SEMA3E: variants seen among roughly 807,000 people sequenced by gnomAD.
SEMA3E encodes semaphorin 3E, also known as semaphorin-3E.
Under a neutral mutation model 93.6 loss-of-function variants are expected in SEMA3E, and 49 were observed. That is an observed-to-expected ratio of 0.52 (90% CI 0.42 to 0.66). The LOEUF (loss-of-function observed/expected upper bound fraction) is 0.66. SEMA3E is among the 30% of genes least tolerant of loss of function. The pLI is 0.00. For missense variants in SEMA3E, 906 were observed against 964.8 expected, an observed-to-expected ratio of 0.94 and a Z score of 0.81; for synonymous variants, 363 against 330.7, an observed-to-expected ratio of 1.10 and a Z score of -1.06.
intron 1 of SEMA3E, among the ~76,000 whole-genome samples, chr7:83,543,937 G>T (rs1791589626): frequency 6.6e-6 from 1 of 151,972 alleles, no homozygotes; most frequent in South Asian, 2.1e-4. Context: ...CTTTAGTTAG[G>T]TCAAACATTC....
chr7:83,398,745 A>T (rs1426622055), intron 11 of SEMA3E, among the ~76,000 whole-genome samples: 3 of 152,142 alleles, frequency 2.0e-5, no homozygotes, highest in African/African-American at 7.2e-5. Context: ...GGAGTTCGAG[A>T]CCAGCCTCAC....
intron 5 of SEMA3E, among the ~76,000 whole-genome samples, chr7:83,412,761 T>TAAAAA (rs35717519): frequency 1.4e-4 from 20 of 143,654 alleles, no homozygotes; most frequent in African/African-American, 4.9e-4. Flanking sequence ...TAAAAAAAGA[T>TAAAAA]AAAAAAAAAA....
intron 1 of SEMA3E, among the ~76,000 whole-genome samples, chr7:83,506,138 G>A (rs542804347): frequency 1.3e-5 from 2 of 150,918 alleles, no homozygotes; most frequent in Admixed American, 6.6e-5. Context: ...TTATTGATCT[G>A]TTTTCCTGTA....
At chr7:83,507,072 G>A (rs768044742) in intron 1 of SEMA3E, among the ~76,000 whole-genome samples, 15 of 152,180 alleles carry the variant, frequency 9.9e-5, no homozygotes, top group Non-Finnish European at 1.9e-4. Flanking sequence ...GGAGGCAAGA[G>A]CAAAATTCAT....
In SEMA3E at chr7:83,366,761, C is replaced by T. The variant is rs2116890442; in HGVS notation, c.*825G>A. On this transcript the variant is annotated 3_prime_UTR_variant, in exon 17 of 17. Transcript: ENST00000643230. ...AATCTGCTTTCAAATCTTTCCTAAA[C>T]AGATATCCGTCTGTAGAGAAAAAAG... 1 of 152,170 alleles carries T rather than the reference C, an allele frequency of 6.6e-6. No individual in the cohort carries two copies. The highest frequency in any genetic ancestry group is 3.4e-3 in the Middle Eastern group (1 of 294). 9.4% of individuals were successfully genotyped at this position (152,170 alleles called of 1,614,324 possible). A position where few individuals can be genotyped will look rare whatever the true frequency, so the allele number is the denominator to read the frequency against.
At chr7:83,523,806 C>T (rs1791098710) in intron 1 of SEMA3E, among the ~76,000 whole-genome samples, 1 of 151,932 alleles carries the variant, frequency 6.6e-6, no homozygotes, top group African/African-American at 2.4e-5. Flanking sequence ...AAATAATATA[C>T]ACGTATTTTT....
chr7:83,472,653 A>T (rs1449476588), intron 2 of SEMA3E, among the ~76,000 whole-genome samples: 1 of 152,142 alleles, frequency 6.6e-6, no homozygotes, highest in Non-Finnish European at 1.5e-5. Flanking sequence ...TCTTGGAGGG[A>T]TGGTGTTTCT....
intron 4 of SEMA3E, among the ~76,000 whole-genome samples, chr7:83,432,100 C>G (rs947783488): frequency 4.6e-5 from 7 of 152,078 alleles, no homozygotes; most frequent in African/African-American, 1.4e-4. Flanking sequence ...TTCCAGACAT[C>G]TAAGTGAAGA....
intron 1 of SEMA3E, among the ~76,000 whole-genome samples, chr7:83,611,037 G>A (rs906439191): frequency 2.0e-5 from 3 of 151,544 alleles, no homozygotes; most frequent in Non-Finnish European, 2.9e-5. Flanking sequence ...TGGGGCAAAA[G>A]TAATTGCGGA....
intron 16 of SEMA3E, among the ~76,000 whole-genome samples, chr7:83,368,445 A>C (rs959357342): frequency 4.6e-5 from 7 of 152,332 alleles, no homozygotes; most frequent in South Asian, 2.1e-4. Flanking sequence ...GGACAGAACA[A>C]ATACCACTTC....
chr7:83,475,310 G>A (rs1789987457), intron 2 of SEMA3E, among the ~76,000 whole-genome samples: 1 of 152,078 alleles, frequency 6.6e-6, no homozygotes, highest in African/African-American at 2.4e-5. Flanking sequence ...ACACTGTTTA[G>A]GGGTTAATTC....
chr7:83,582,711 C>G (rs1792538817), intron 1 of SEMA3E, among the ~76,000 whole-genome samples: 1 of 152,030 alleles, frequency 6.6e-6, no homozygotes, highest in African/African-American at 2.4e-5. Flanking sequence ...GGAATTATGG[C>G]TAATCTCTCC....
chr7:83,482,089 C>A (rs932509430), intron 2 of SEMA3E, among the ~76,000 whole-genome samples: 3 of 152,126 alleles, frequency 2.0e-5, no homozygotes, highest in African/African-American at 4.8e-5. Flanking sequence ...TACTAATGTG[C>A]AGCCAAGGTT....
chr7:83,516,612 TCTTA>T (rs1452691281), intron 1 of SEMA3E, among the ~76,000 whole-genome samples: 1 of 152,132 alleles, frequency 6.6e-6, no homozygotes, highest in Admixed American at 6.6e-5. Context: ...TTATGTAAAC[TCTTA>T]CTTACAAATC....
chr7:83,501,091 A>G (rs540111500), intron 1 of SEMA3E, among the ~76,000 whole-genome samples: 3 of 152,318 alleles, frequency 2.0e-5, no homozygotes, highest in South Asian at 2.1e-4. Context: ...ACTTAATAAG[A>G]TACTATTATT....
intron 1 of SEMA3E, among the ~76,000 whole-genome samples, chr7:83,577,867 CTCA>C (rs1274513161): frequency 6.6e-6 from 1 of 151,782 alleles, no homozygotes; most frequent in Non-Finnish European, 1.5e-5. Flanking sequence ...TATAAATAAT[CTCA>C]TAACATTTAT....
intron 14 of SEMA3E, among the ~76,000 whole-genome samples, chr7:83,387,799 C>G (rs796386714): frequency 7.5e-6 from 1 of 132,906 alleles, no homozygotes; most frequent in Non-Finnish European, 1.5e-5. Context: ...TCTGTATCTG[C>G]GGAAAAATTC....
intron 4 of SEMA3E, among the ~76,000 whole-genome samples, chr7:83,448,128 G>T (rs1789274085): frequency 6.6e-6 from 1 of 152,146 alleles, no homozygotes. Flanking sequence ...TCCGGAAAAA[G>T]CAAGTCATTT....
chr7:83,604,602 C>T (rs1487444548), intron 1 of SEMA3E, among the ~76,000 whole-genome samples: 2 of 150,774 alleles, frequency 1.3e-5, no homozygotes, highest in African/African-American at 4.9e-5. Flanking sequence ...TACACACACA[C>T]ATATATATAT....
Sources: allele counts gnomAD v4.1 joint callset (sites outside exome capture counted in the v4.1 genomes callset), GRCh38; gene constraint gnomAD v4.1.1; transcripts MANE v1.5; gene names NCBI Gene and HGNC (gene_info 2026-07-23, HGNC 2026-07-21).